The following GNB4 variants were observed in gnomAD, a reference collection of about 807,000 sequenced individuals.
GNB4 encodes guanine nucleotide-binding protein subunit beta-4.
In GNB4, 28 loss-of-function variants were observed where a neutral mutation model predicts 45.2. The ratio of observed to expected loss-of-function variants is 0.62; its 90% CI spans 0.46 to 0.85. The LOEUF (loss-of-function observed/expected upper bound fraction) is 0.85, where lower values mean the gene tolerates loss of function less well. Ranked by LOEUF, GNB4 falls within the 40% of genes least tolerant of loss-of-function variation. The pLI, the probability that GNB4 is intolerant of heterozygous loss-of-function variation, is 0.00. For missense variants in GNB4, 321 were observed against 425.4 expected, an observed-to-expected ratio of 0.75 and a Z score of 2.16; for synonymous variants, 132 against 143.7, an observed-to-expected ratio of 0.92 and a Z score of 0.58.
chr3:179,487,925 C>G, the GNB4 span, among the ~76,000 whole-genome samples: 18 of 152,174 alleles, frequency 1.2e-4, no homozygotes, highest in Admixed American at 1.1e-3. Flanking sequence ...GTAGCGCATG[C>G]CTGTAGTCCC....
intron 8 of GNB4, chr3:179,410,649 AC>A (rs1192373987): frequency 4.6e-5 from 7 of 152,128 alleles, no homozygotes; most frequent in African/African-American, 1.7e-4. Context: ...ATCCATTATG[AC>A]CTCATTTTAA....
chr3:179,479,591 A>G, the GNB4 span, among the ~76,000 whole-genome samples: 19 of 152,294 alleles, frequency 1.2e-4, no homozygotes, highest in African/African-American at 4.6e-4. Flanking sequence ...CAAAGAGAAA[A>G]CACATGTACA....
chr3:179,419,372 A>C lies in GNB4; in HGVS notation c.203+27T>G, dbSNP rs748831323. The C allele has an allele frequency of 2.3e-6, 3 of 1,277,202 alleles. No homozygotes were observed. In the South Asian group the frequency reaches 3.6e-5, roughly 15 times the overall value. The allele number at this position is 1,277,202 out of a possible 1,614,324, so 79.1% of individuals were successfully genotyped here. A position where few individuals can be genotyped will look rare whatever the true frequency, so the allele number is the denominator to read the frequency against. On this transcript the variant is annotated intron_variant, in intron 4 of 9. Transcript: ENST00000232564. ...TGAAAATAATTCTGCAACAGTTTAA[A>C]AATGACAGGTAATGACAGGTACAAA...
At chr3:179,496,599 T>C in the GNB4 span, among the ~76,000 whole-genome samples, 1 of 152,048 alleles carries the variant, frequency 6.6e-6, no homozygotes, top group African/African-American at 2.4e-5. Flanking sequence ...TATGAGAAAC[T>C]CACTTTAGCT....
chr3:179,442,205 T>C (rs1715613432), intron 1 of GNB4, among the ~76,000 whole-genome samples: 1 of 152,184 alleles, frequency 6.6e-6, no homozygotes, highest in South Asian at 2.1e-4. Flanking sequence ...TGAAACCAAA[T>C]GTTTATGAGA....
the GNB4 span, among the ~76,000 whole-genome samples, chr3:179,502,630 G>A: frequency 6.6e-6 from 1 of 151,834 alleles, no homozygotes; most frequent in South Asian, 2.1e-4. Context: ...TTTACTTAAT[G>A]AATAAAGGGG....
chr3:179,418,007 A>G (rs1714852568), intron 4 of GNB4, among the ~76,000 whole-genome samples: 1 of 152,218 alleles, frequency 6.6e-6, no homozygotes, highest in Non-Finnish European at 1.5e-5. Context: ...TATGTGAGAT[A>G]GGTTCCTGGA....
chr3:179,460,284 C>T, the GNB4 span, among the ~76,000 whole-genome samples: 11 of 152,304 alleles, frequency 7.2e-5, no homozygotes, highest in East Asian at 3.9e-4. Context: ...AAAAATCTCA[C>T]TTTGGCAAAG....
At chr3:179,502,555 T>C in the GNB4 span, among the ~76,000 whole-genome samples, 1 of 152,138 alleles carries the variant, frequency 6.6e-6, no homozygotes. Context: ...CTTTTATGTT[T>C]TGGTTGCCAC....
chr3:179,457,904 CTT>C, the GNB4 span, among the ~76,000 whole-genome samples: 123 of 137,804 alleles, frequency 8.9e-4, no homozygotes, highest in Middle Eastern at 3.7e-3. Flanking sequence ...CATTTTAGTT[CTT>C]TTTTTTTTTT....
rs369334980 is a variant in GNB4, at chr3:179,442,431, G to A, written c.-43+8915C>T. Among the ~76,000 whole-genome samples the A allele has an allele frequency of 1.1e-4, 17 of 152,242 alleles. No individual in the cohort carries two copies. The South Asian group carries it at 1.2e-3, about 11-fold the overall frequency. ...GTCCTAAAACTACCTTCTCTAAGAG[G>A]AGCCTCTTGGTTTTAGTACTCTAAG... On this transcript the variant is annotated intron_variant, in intron 1 of 9. Coordinates refer to ENST00000232564, the MANE Select transcript of GNB4 (RefSeq NM_021629.4).
chr3:179,435,661 G>C lies in GNB4; in HGVS notation c.-42-9419C>G, dbSNP rs1014053002. ...TTCATAAACACAGTGCTCTTATTTT[G>C]TTACCGTAACTTCTTGACTAAGCAC... On this transcript the variant is annotated intron_variant, in intron 1 of 9. Coordinates refer to ENST00000232564, the MANE Select transcript of GNB4 (RefSeq NM_021629.4). Among the ~76,000 whole-genome samples, 76 of 152,218 alleles carry C rather than the reference G, an allele frequency of 5.0e-4. 1 individual carries two copies. The highest frequency in any genetic ancestry group is 1.8e-3 in the African/African-American group (75 of 41,538).
intron 1 of GNB4, among the ~76,000 whole-genome samples, chr3:179,426,938 C>T (rs1039560011): frequency 6.6e-6 from 1 of 151,996 alleles, no homozygotes; most frequent in African/African-American, 2.4e-5. Flanking sequence ...TTTTCCACTC[C>T]ACTAAACTCT....
the GNB4 span, among the ~76,000 whole-genome samples, chr3:179,500,040 C>T: frequency 6.6e-6 from 1 of 152,166 alleles, no homozygotes; most frequent in Admixed American, 6.5e-5. Flanking sequence ...GTTTTCTGTT[C>T]ACTCTGTTGA....
the GNB4 span, among the ~76,000 whole-genome samples, chr3:179,488,855 G>A: frequency 5.7e-4 from 86 of 150,382 alleles, no homozygotes; most frequent in Admixed American, 3.6e-3. Context: ...ATGGTGGTGC[G>A]TGTCTGTAGT....
chr3:179,498,316 A>G, the GNB4 span, among the ~76,000 whole-genome samples: 2 of 152,246 alleles, frequency 1.3e-5, no homozygotes, highest in Non-Finnish European at 2.9e-5. Context: ...AGGAATGGTC[A>G]GAGGGAGAAG....
the GNB4 span, among the ~76,000 whole-genome samples, chr3:179,524,277 G>A: frequency 6.6e-6 from 1 of 152,226 alleles, no homozygotes; most frequent in South Asian, 2.1e-4. Context: ...AGTGGCTGCC[G>A]GGTGAGTTGG....
At chr3:179,402,848 C>T (rs115840932) in intron 9 of GNB4, among the ~76,000 whole-genome samples, 1 of 152,194 alleles carries the variant, frequency 6.6e-6, no homozygotes, top group Admixed American at 6.5e-5. Flanking sequence ...CAGGTGTCCC[C>T]TTCCTCCACT....
chr3:179,500,238 C>T, the GNB4 span, among the ~76,000 whole-genome samples: 9 of 152,272 alleles, frequency 5.9e-5, no homozygotes, highest in African/African-American at 1.7e-4. Flanking sequence ...AGTCTTTAAT[C>T]CATCTTGAGT....
Sources: gnomAD v4.1 joint callset for allele counts (sites outside exome capture counted in the v4.1 genomes callset) on GRCh38, gnomAD v4.1.1 for gene constraint, MANE v1.5 for transcripts, NCBI Gene and HGNC (gene_info 2026-07-23, HGNC 2026-07-21) for gene names.